Variants in GALNTL6 observed in about 807,000 individuals in gnomAD.
The protein encoded by GALNTL6 is polypeptide N-acetylgalactosaminyltransferase like 6.
In GALNTL6, 46 loss-of-function variants were observed where a neutral mutation model predicts 73.7. The observed-to-expected ratio is 0.62, with a 90% CI of 0.49 to 0.80. GALNTL6 has a LOEUF of 0.80. GALNTL6 is among the 30% of genes least tolerant of loss of function. The pLI is 0.00. For synonymous variants in GALNTL6, 259 were observed against 263.7 expected (o/e 0.98, Z 0.17); for missense variants, 604 against 755.0 (o/e 0.80, Z 2.34).
At chr4:172,358,494 T>C (rs977584766) in intron 5 of GALNTL6, among the ~76,000 whole-genome samples, 10 of 152,014 alleles carry the variant, frequency 6.6e-5, no homozygotes, top group African/African-American at 2.4e-4. Flanking sequence ...TCTTAAAACA[T>C]TATGAGATTT....
chr4:172,455,967 G>A (rs534125578), intron 5 of GALNTL6, among the ~76,000 whole-genome samples: 5 of 152,204 alleles, frequency 3.3e-5, no homozygotes, highest in South Asian at 4.1e-4. Flanking sequence ...GGCATCTGAC[G>A]GTTACCCCTC....
At chr4:172,882,768 G>A in intron 7 of GALNTL6, 22 bp from the exon 8 acceptor site, 1 of 1,418,456 alleles carries the variant, frequency 7.0e-7, no homozygotes, top group Non-Finnish European at 1.0e-6. Flanking sequence ...GTCCTTTAAA[G>A]ATTATTTTGT....
At chr4:172,923,393 C>T (rs1747890480) in intron 8 of GALNTL6, among the ~76,000 whole-genome samples, 1 of 152,112 alleles carries the variant, frequency 6.6e-6, no homozygotes, top group African/African-American at 2.4e-5. Context: ...AGACCCACCC[C>T]CATGATTCAG....
chr4:172,455,425 C>T (rs993526750), intron 5 of GALNTL6, among the ~76,000 whole-genome samples: 9 of 152,144 alleles, frequency 5.9e-5, no homozygotes, highest in African/African-American at 1.9e-4. Flanking sequence ...GCGGATCCCA[C>T]CCCTATGGAG....
In GALNTL6 at chr4:171,896,608, C is replaced by T. The variant is rs559122191; in HGVS notation, c.138+81890C>T. Among the ~76,000 whole-genome samples, 73 of 152,290 alleles carry T rather than the reference C, an allele frequency of 4.8e-4. No individual in the cohort carries two copies. The Middle Eastern group carries it at 0.01, about 21-fold the overall frequency. On this transcript the variant is annotated intron_variant, in intron 2 of 12. Coordinates refer to ENST00000506823, the MANE Select transcript of GALNTL6 (RefSeq NM_001034845.3). Reference sequence around the variant, plus strand: ...CACAGACAGCACGTTCTCACTGTGCCTTCCTGTGGTGGAAAGGATAAGAGG... The same window carrying T: ...CACAGACAGCACGTTCTCACTGTGCTTTCCTGTGGTGGAAAGGATAAGAGG...
At chr4:172,352,424 G>A (rs1368600058) in intron 5 of GALNTL6, among the ~76,000 whole-genome samples, 1 of 152,138 alleles carries the variant, frequency 6.6e-6, no homozygotes, top group Non-Finnish European at 1.5e-5. Context: ...GTTAGTGAAT[G>A]TGGCTATTTT....
chr4:172,752,312 A>G (rs1000703966), intron 5 of GALNTL6, among the ~76,000 whole-genome samples: 2 of 152,096 alleles, frequency 1.3e-5, no homozygotes, highest in Non-Finnish European at 2.9e-5. Context: ...ATATAACAAA[A>G]ATAAATTAAA....
intron 5 of GALNTL6, among the ~76,000 whole-genome samples, chr4:172,583,592 C>G (rs1057089825): frequency 2.0e-5 from 3 of 152,056 alleles, no homozygotes; most frequent in African/African-American, 7.2e-5. Context: ...CTGTACTGAA[C>G]AGTGTAAGTT....
At chr4:172,232,054 A>G (rs979928386) in intron 3 of GALNTL6, among the ~76,000 whole-genome samples, 2 of 152,046 alleles carry the variant, frequency 1.3e-5, no homozygotes, top group Non-Finnish European at 2.9e-5. Context: ...ATACTAGAAT[A>G]TTATTTTTAT....
rs1351434786 is a variant in GALNTL6 at position 172,177,819 on chromosome 4, GTATATATACACACACATATATATGTGTA to G, written c.139-51822_139-51795del. ...TATATACACACACATATATGTGTGT[GTATATATACACACACATATATATGTGTA>G]TATATATACACACATACTAAGGCAT... On this transcript the variant is annotated intron_variant, in intron 2 of 12. Coordinates refer to ENST00000506823, the MANE Select transcript of GALNTL6 (RefSeq NM_001034845.3). Among the ~76,000 whole-genome samples, 36 of 131,418 alleles carry G rather than the reference GTATATATACACACACATATATATGTGTA, an allele frequency of 2.7e-4. No individual in the cohort carries two copies. In the South Asian group the frequency reaches 3.6e-3, roughly 13 times the overall value. 86.2% of individuals were successfully genotyped at this position (131,418 alleles called of 152,430 possible).
chr4:172,194,169 G>A (rs1205786838), intron 2 of GALNTL6, among the ~76,000 whole-genome samples: 3 of 152,286 alleles, frequency 2.0e-5, no homozygotes, highest in South Asian at 2.1e-4. Context: ...TGAAAAACAC[G>A]ACATGAGAAC....
intron 2 of GALNTL6, among the ~76,000 whole-genome samples, chr4:172,050,685 C>T (rs1177055547): frequency 6.6e-6 from 1 of 152,108 alleles, no homozygotes; most frequent in Non-Finnish European, 1.5e-5. Context: ...AACTTCCTTG[C>T]CTATTATTTT....
intron 5 of GALNTL6, among the ~76,000 whole-genome samples, chr4:172,529,627 C>T (rs1561124117): frequency 6.6e-6 from 1 of 151,954 alleles, no homozygotes; most frequent in Non-Finnish European, 1.5e-5. Flanking sequence ...ATTATATCTG[C>T]AGGAAGATGT....
At chr4:171,950,721 G>T (rs890148949) in intron 2 of GALNTL6, among the ~76,000 whole-genome samples, 1 of 151,906 alleles carries the variant, frequency 6.6e-6, no homozygotes, top group Non-Finnish European at 1.5e-5. Context: ...CTTGTGATCC[G>T]CCCGCCTCGG....
At position 172,270,127 on chromosome 4, in the gene GALNTL6, A is replaced by T. The variant is rs372381925; in HGVS notation, c.247+40363A>T. On this transcript the variant is annotated intron_variant, in intron 3 of 12. Coordinates refer to ENST00000506823, the MANE Select transcript of GALNTL6 (RefSeq NM_001034845.3). ...TTATCTCACCATTATTTTTCTATCC[A>T]TATTAGCTTCTGCTGATTTCCACTC... 5.9e-5 allele frequency among the ~76,000 whole-genome samples: 9 copies of T among 152,026 alleles called. No individual in the cohort carries two copies. The East Asian group carries it at 1.5e-3, about 26-fold the overall frequency.
chr4:171,845,941 C>A (rs538342469), intron 2 of GALNTL6, among the ~76,000 whole-genome samples: 2 of 152,180 alleles, frequency 1.3e-5, no homozygotes, highest in South Asian at 2.1e-4. Context: ...ATAAAATTTT[C>A]TTATATAATA....
chr4:171,919,474 G>A (rs1313536662), intron 2 of GALNTL6, among the ~76,000 whole-genome samples: 1 of 152,016 alleles, frequency 6.6e-6, no homozygotes, highest in Non-Finnish European at 1.5e-5. Flanking sequence ...CAGTACCAGA[G>A]CTAGAGCGGG....
At chr4:172,685,129 T>A (rs1732845276) in intron 5 of GALNTL6, among the ~76,000 whole-genome samples, 1 of 152,308 alleles carries the variant, frequency 6.6e-6, no homozygotes, top group African/African-American at 2.4e-5. Context: ...GGCAAGTTAA[T>A]ATAAATAACC....
intron 10 of GALNTL6, 51 bp downstream of exon 10, chr4:172,952,309 C>A: frequency 1.5e-6 from 2 of 1,315,994 alleles, no homozygotes; most frequent in African/African-American, 2.9e-5. Context: ...CTGTGTGCCT[C>A]CCCCATAGCC....
Sources: gnomAD v4.1 joint callset for allele counts (sites outside exome capture counted in the v4.1 genomes callset) on GRCh38, gnomAD v4.1.1 for gene constraint, MANE v1.5 for transcripts, NCBI Gene and HGNC (gene_info 2026-07-23, HGNC 2026-07-21) for gene names.